Variants in SYN3 observed in about 807,000 individuals in gnomAD.
The protein encoded by SYN3 is synapsin-3.
Under a neutral mutation model 65.8 loss-of-function variants are expected in SYN3, and 35 were observed. The ratio of observed to expected loss-of-function variants is 0.53; its 90% CI spans 0.41 to 0.70. The LOEUF is 0.70. SYN3 is among the 30% of genes least tolerant of loss of function. SYN3 has a pLI of 0.00. For synonymous variants in SYN3, 270 were observed against 292.9 expected (o/e 0.92, Z 0.80); for missense variants, 680 against 749.0 (o/e 0.91, Z 1.08).
intron 6 of SYN3, among the ~76,000 whole-genome samples, chr22:32,661,807 C>G (rs1188326679): frequency 6.6e-6 from 1 of 152,144 alleles, no homozygotes; most frequent in Non-Finnish European, 1.5e-5. Flanking sequence ...TCCAATAACT[C>G]TATGTACAGA....
intron 8 of SYN3, among the ~76,000 whole-genome samples, chr22:32,539,329 G>A (rs1209779843): frequency 1.3e-5 from 2 of 152,104 alleles, no homozygotes; most frequent in Admixed American, 1.3e-4. Flanking sequence ...TGGAATAGAT[G>A]GTGGATGGGG....
chr22:32,886,440 C>T (rs1057076662), intron 4 of SYN3, among the ~76,000 whole-genome samples: 7 of 152,080 alleles, frequency 4.6e-5, no homozygotes, highest in Non-Finnish European at 1.0e-4. Flanking sequence ...CCCAGCTGTG[C>T]GACTCTGGAC....
chr22:32,820,282 G>A (rs1184157394), intron 6 of SYN3, among the ~76,000 whole-genome samples: 1 of 150,612 alleles, frequency 6.6e-6, no homozygotes, highest in South Asian at 2.1e-4. Context: ...GTGTGTGTGT[G>A]TGTGTGGTGT....
chr22:32,572,423 CTTCCTTCCT>C (rs1569051845), intron 7 of SYN3, among the ~76,000 whole-genome samples: 5 of 5,322 alleles, frequency 9.4e-4, no homozygotes, highest in Non-Finnish European at 3.1e-3. Flanking sequence ...TTCCTTCCTT[CTTCCTTCCT>C]TCCTTCCCTC....
chr22:32,751,898 C>T (rs899563528), intron 6 of SYN3, among the ~76,000 whole-genome samples: 7 of 152,174 alleles, frequency 4.6e-5, no homozygotes, highest in Non-Finnish European at 8.8e-5. Flanking sequence ...GTCAGCTGGG[C>T]ACTCTCTAAG....
At chr22:32,552,703 C>T (rs2146307485) in intron 7 of SYN3, among the ~76,000 whole-genome samples, 1 of 152,098 alleles carries the variant, frequency 6.6e-6, no homozygotes, top group East Asian at 1.9e-4. Flanking sequence ...GCACGAGGTG[C>T]CTAAGAGATT....
chr22:32,806,810 A>G (rs2046753709), intron 6 of SYN3, among the ~76,000 whole-genome samples: 1 of 152,084 alleles, frequency 6.6e-6, no homozygotes, highest in South Asian at 2.1e-4. Context: ...CTCTCTATCT[A>G]AAATCGGAGA....
intron 3 of SYN3, among the ~76,000 whole-genome samples, chr22:32,968,333 G>A (rs2051910587): frequency 6.6e-6 from 1 of 152,096 alleles, no homozygotes; most frequent in Non-Finnish European, 1.5e-5. Flanking sequence ...GATGACTTTT[G>A]CACCAAATCC....
chr22:32,671,432 C>A lies in SYN3; in HGVS notation c.712-74696G>T, dbSNP rs1026036678. Among the ~76,000 whole-genome samples, 324 of 152,166 alleles carry A rather than the reference C, an allele frequency of 2.1e-3. 2 individuals carry two copies. The highest frequency in any genetic ancestry group is 7.5e-3 in the African/African-American group (310 of 41,518). Reference sequence around the variant, plus strand: ...TCTCACATACATACTCACACATCCACCTAAAAACACACCCTCCCTCACACA... The same window carrying A: ...TCTCACATACATACTCACACATCCAACTAAAAACACACCCTCCCTCACACA... On this transcript the variant is annotated intron_variant, in intron 6 of 13. Transcript: ENST00000358763.
At chr22:32,965,167 T>C (rs1390437791) in intron 3 of SYN3, among the ~76,000 whole-genome samples, 5 of 152,204 alleles carry the variant, frequency 3.3e-5, no homozygotes, top group Non-Finnish European at 5.9e-5. Flanking sequence ...ATTAAATGTA[T>C]ACAGATAAAC....
At chr22:32,630,053 G>A (rs546634307) in intron 6 of SYN3, among the ~76,000 whole-genome samples, 4 of 150,344 alleles carry the variant, frequency 2.7e-5, no homozygotes, top group South Asian at 4.2e-4. Flanking sequence ...GCGCGATCTC[G>A]GCTCACTGCA....
chr22:32,575,404 G>A (rs186253454), intron 7 of SYN3, among the ~76,000 whole-genome samples: 134 of 152,276 alleles, frequency 8.8e-4, no homozygotes, highest in Admixed American at 2.5e-3. Flanking sequence ...GTGTTCTGGC[G>A]AGGGAGTGGG....
intron 1 of SYN3, among the ~76,000 whole-genome samples, chr22:33,044,978 A>G (rs1210372077): frequency 6.6e-6 from 1 of 151,742 alleles, no homozygotes; most frequent in Non-Finnish European, 1.5e-5. Flanking sequence ...AAGTAGCTGG[A>G]ATTACAGGCA....
chr22:32,569,312 T>C (rs1239434401), intron 7 of SYN3, among the ~76,000 whole-genome samples: 3 of 133,082 alleles, frequency 2.3e-5, no homozygotes, highest in Admixed American at 8.1e-5. Flanking sequence ...CACCTATCTA[T>C]ATAAAATCTA....
intron 5 of SYN3, among the ~76,000 whole-genome samples, 174 bp downstream of exon 5, chr22:32,868,792 T>C (rs1257920799): frequency 6.6e-6 from 1 of 152,108 alleles, no homozygotes. Flanking sequence ...ATAAAATTAA[T>C]ATAATTGTTA....
At chr22:32,569,772 G>T (rs543464364) in intron 7 of SYN3, among the ~76,000 whole-genome samples, 3 of 151,988 alleles carry the variant, frequency 2.0e-5, no homozygotes, top group African/African-American at 4.8e-5. Flanking sequence ...TTTCTCATCC[G>T]TAAAATGGGG....
intron 6 of SYN3, among the ~76,000 whole-genome samples, chr22:32,672,541 T>C (rs1371141867): frequency 6.6e-6 from 1 of 152,212 alleles, no homozygotes; most frequent in African/African-American, 2.4e-5. Context: ...ATGTTCCTGC[T>C]GCTTGGGGCA....
chr22:32,860,646 G>A (rs2048509670), intron 6 of SYN3: 1 of 152,540 alleles, frequency 6.6e-6, no homozygotes, highest in Admixed American at 6.6e-5. Flanking sequence ...TCATGTTTGG[G>A]GGCCTTTCTT....
At chr22:32,767,776 G>A (rs1209426787) in intron 6 of SYN3, among the ~76,000 whole-genome samples, 1 of 152,106 alleles carries the variant, frequency 6.6e-6, no homozygotes, top group Non-Finnish European at 1.5e-5. Flanking sequence ...ACCAGATTTT[G>A]TCTTTGTATT....
Sources: allele counts gnomAD v4.1 joint callset (sites outside exome capture counted in the v4.1 genomes callset), GRCh38; gene constraint gnomAD v4.1.1; transcripts MANE v1.5; gene names NCBI Gene and HGNC (gene_info 2026-07-23, HGNC 2026-07-21).